EIF3H: variants seen among roughly 807,000 people sequenced by gnomAD.
The protein encoded by EIF3H is eIF-3-gamma.
Under a neutral mutation model 44.2 loss-of-function variants are expected in EIF3H, and 26 were observed. The ratio of observed to expected loss-of-function variants is 0.59; its 90% CI spans 0.43 to 0.82. The LOEUF is 0.82. EIF3H is among the 40% of genes least tolerant of loss of function. The pLI is 0.00. For synonymous variants in EIF3H, 166 were observed against 151.9 expected (o/e 1.09, Z -0.68); for missense variants, 359 against 432.8 (o/e 0.83, Z 1.51).
At chr8:116,751,678 A>G (rs1265945211) in intron 1 of EIF3H, among the ~76,000 whole-genome samples, 1 of 152,246 alleles carries the variant, frequency 6.6e-6, no homozygotes, top group Non-Finnish European at 1.5e-5. Context: ...TAAATCTAGG[A>G]CTTATTAGAA....
intron 2 of EIF3H, among the ~76,000 whole-genome samples, chr8:116,660,240 T>C (rs2130797029): frequency 6.6e-6 from 1 of 152,366 alleles, no homozygotes; most frequent in Admixed American, 6.5e-5. Flanking sequence ...AGTAAACGTA[T>C]TTGCTTAACT....
chr8:116,717,883 G>A (rs985517701), intron 2 of EIF3H, among the ~76,000 whole-genome samples: 3 of 152,092 alleles, frequency 2.0e-5, no homozygotes, highest in African/African-American at 7.2e-5. Context: ...ACAAAACCAA[G>A]ATAAATTGAT....
At chr8:116,737,943 G>C (rs143285392) in intron 1 of EIF3H, among the ~76,000 whole-genome samples, 178 of 150,590 alleles carry the variant, frequency 1.2e-3, no homozygotes, top group Non-Finnish European at 2.2e-3. Context: ...GCTGAGGCAG[G>C]AGAATCGCTT....
intron 1 of EIF3H, among the ~76,000 whole-genome samples, chr8:116,762,011 A>G (rs1815523769): frequency 6.6e-6 from 1 of 152,236 alleles, no homozygotes; most frequent in Non-Finnish European, 1.5e-5. Context: ...AACAAATGTC[A>G]AGACAGTTTC....
chr8:116,648,944 T>C lies in EIF3H; in HGVS notation c.708-18A>G, dbSNP rs375120645. ...AATGATTGCTGAAATGTAAAGTAAA[T>C]ATACTGACAAGTCTTACTTTAAATT... On this transcript the variant is annotated intron_variant, in intron 5 of 7. Coordinates refer to ENST00000521861, the MANE Select transcript of EIF3H (RefSeq NM_003756.3). The C allele has an allele frequency of 4.5e-5, 72 of 1,600,472 alleles. No individual in the cohort carries two copies. Among genetic ancestry groups the C allele is most frequent in the Non-Finnish European group, 5.7e-5 (67 of 1,172,956 alleles).
chr8:116,660,236 C>A (rs200213382), intron 2 of EIF3H, among the ~76,000 whole-genome samples: 5 of 152,170 alleles, frequency 3.3e-5, no homozygotes, highest in African/African-American at 4.8e-5. Flanking sequence ...GCTGAGTAAA[C>A]GTATTTGCTT....
chr8:116,745,709 T>C (rs533751940), intron 1 of EIF3H, among the ~76,000 whole-genome samples: 57 of 152,040 alleles, frequency 3.7e-4, no homozygotes, highest in Non-Finnish European at 6.6e-4. Flanking sequence ...GGCGGGTGGA[T>C]TGCTTGAGGC....
intron 2 of EIF3H, among the ~76,000 whole-genome samples, chr8:116,667,539 T>C (rs951191376): frequency 1.4e-4 from 21 of 150,492 alleles, no homozygotes; most frequent in South Asian, 2.1e-4. Flanking sequence ...CAATCTGTAA[T>C]CAAATTTACA....
chr8:116,755,587 T>C (rs1021096397), intron 1 of EIF3H, 79 bp downstream of exon 1: 39 of 1,589,798 alleles, frequency 2.5e-5, no homozygotes, highest in Non-Finnish European at 3.1e-5. Flanking sequence ...AGGGGGAGAA[T>C]GCTAGAAAGT....
intron 2 of EIF3H, among the ~76,000 whole-genome samples, chr8:116,664,267 C>T (rs7843852): frequency 0.89 from 135,280 of 152,254 alleles, 60,396 homozygotes; most frequent in African/African-American, 0.96. Flanking sequence ...GACTGTCCAA[C>T]AACTATCCCT....
At chr8:116,695,177 C>T (rs1452332132) in intron 2 of EIF3H, among the ~76,000 whole-genome samples, 1 of 151,116 alleles carries the variant, frequency 6.6e-6, no homozygotes, top group Non-Finnish European at 1.5e-5. Flanking sequence ...AACCAATTCT[C>T]GTGCCTCAGC....
chr8:116,668,005 G>T (rs139913178), intron 2 of EIF3H, among the ~76,000 whole-genome samples: 287 of 152,174 alleles, frequency 1.9e-3, no homozygotes, highest in African/African-American at 6.5e-3. Flanking sequence ...CACCATAAAG[G>T]TATAGACTGA....
At position 116,747,826 on chromosome 8, in the gene EIF3H, C is replaced by A. The variant is rs1013756336; in HGVS notation, c.132+7840G>T. Among the ~76,000 whole-genome samples the A allele has an allele frequency of 5.3e-5, 8 of 152,130 alleles. No individual in the cohort carries two copies. The East Asian group carries it at 1.5e-3, about 29-fold the overall frequency. Reference sequence around the variant, plus strand: ...TGATTCAACTCACAAAGCATTCCCACCAGCCTGCTGCGGTGGCTCACACCT... The same window carrying A: ...TGATTCAACTCACAAAGCATTCCCAACAGCCTGCTGCGGTGGCTCACACCT... On this transcript the variant is annotated intron_variant, in intron 1 of 7. Coordinates refer to ENST00000521861, the MANE Select transcript of EIF3H (RefSeq NM_003756.3).
intron 1 of EIF3H, among the ~76,000 whole-genome samples, chr8:116,749,613 T>C (rs1348476685): frequency 6.6e-6 from 1 of 152,242 alleles, no homozygotes; most frequent in Non-Finnish European, 1.5e-5. Context: ...CCTGACAGAA[T>C]GAAGACCCAT....
At chr8:116,707,872 T>C (rs894357002) in intron 2 of EIF3H, among the ~76,000 whole-genome samples, 2 of 152,182 alleles carry the variant, frequency 1.3e-5, no homozygotes, top group African/African-American at 4.8e-5. Context: ...GAACTAAGTC[T>C]CTGATCTAAC....
intron 2 of EIF3H, among the ~76,000 whole-genome samples, chr8:116,663,345 C>A (rs531862540): frequency 2.0e-5 from 3 of 152,278 alleles, no homozygotes; most frequent in Admixed American, 1.3e-4. Context: ...GGCAACTTTG[C>A]AGAGTTGGTC....
chr8:116,745,671 C>T (rs928598612), intron 1 of EIF3H, among the ~76,000 whole-genome samples: 1 of 152,142 alleles, frequency 6.6e-6, no homozygotes, highest in African/African-American at 2.4e-5. Context: ...TGTCTCATCC[C>T]TATAATCTCA....
chr8:116,763,696 G>A (rs536176283), intron 1 of EIF3H, among the ~76,000 whole-genome samples: 1 of 152,216 alleles, frequency 6.6e-6, no homozygotes, highest in East Asian at 1.9e-4. Context: ...ATAATGTTAG[G>A]TAGAAATTGT....
intron 2 of EIF3H, among the ~76,000 whole-genome samples, chr8:116,707,630 ATTTCTACCTC>A (rs1814493334): frequency 6.6e-6 from 1 of 152,018 alleles, no homozygotes; most frequent in African/African-American, 2.4e-5. Context: ...ATCTTTTGTC[ATTTCTACCTC>A]TCTCTAGTGT....
Sources: gnomAD v4.1 joint callset for allele counts (sites outside exome capture counted in the v4.1 genomes callset) on GRCh38, gnomAD v4.1.1 for gene constraint, MANE v1.5 for transcripts, NCBI Gene and HGNC (gene_info 2026-07-23, HGNC 2026-07-21) for gene names.